Variants in MED21 observed in about 807,000 individuals in gnomAD.
MED21 encodes mediator of RNA polymerase II transcription subunit 21.
In MED21, 9 loss-of-function variants were observed where a neutral mutation model predicts 18.2. The observed-to-expected ratio is 0.49, with a 90% CI of 0.30 to 0.86. The LOEUF (loss-of-function observed/expected upper bound fraction) is 0.86. Among genes scored for constraint, MED21 ranks in the 40% least tolerant of loss-of-function variants. The probability of loss-of-function intolerance (pLI) is 0.07; values close to 1 mark genes in which losing one functional copy is unlikely to be tolerated. For missense variants in MED21, 150 were observed against 170.9 expected, an observed-to-expected ratio of 0.88 and a Z score of 0.68; for synonymous variants, 73 against 60.5, an observed-to-expected ratio of 1.21 and a Z score of -0.96.
chr12:27,030,220 C>A lies in MED21; in HGVS notation c.*1759C>A. On this transcript the variant is annotated 3_prime_UTR_variant, in exon 4 of 4. Coordinates refer to ENST00000282892, the MANE Select transcript of MED21 (RefSeq NM_004264.5). ...TGATCATGGCTCACTGCAGCTTCAC[C>A]CTGGGTTCAGGTGATCCTCCCACTT... is the stretch of plus-strand genomic sequence containing the variant. 1 of 639,382 alleles carries A rather than the reference C, an allele frequency of 1.6e-6. No homozygotes were observed. The highest frequency in any genetic ancestry group is 1.7e-5 in the South Asian group (1 of 58,520). 39.6% of individuals were successfully genotyped at this position (639,382 alleles called of 1,614,324 possible). A position where few individuals can be genotyped will look rare whatever the true frequency, so the allele number is the denominator to read the frequency against.
chr12:27,026,929 A>G (rs1442150198), intron 2 of MED21, among the ~76,000 whole-genome samples: 1 of 152,092 alleles, frequency 6.6e-6, no homozygotes, highest in Non-Finnish European at 1.5e-5. Context: ...TAATCATTAG[A>G]ATCTTCTTTT....
chr12:27,037,666 A>G (rs1370084697), intron 2 of MED21: 1 of 152,222 alleles, frequency 6.6e-6, no homozygotes, highest in Non-Finnish European at 1.5e-5. Flanking sequence ...TCTTTAGAAA[A>G]TGTATTTTTT....
At chr12:27,025,939 T>G (rs958818479) in intron 1 of MED21, among the ~76,000 whole-genome samples, 12 of 152,202 alleles carry the variant, frequency 7.9e-5, no homozygotes, top group Non-Finnish European at 1.8e-4. Context: ...AGCCTCTTCC[T>G]CACTATTTCT....
chr12:27,030,597 G>T lies in MED21; in HGVS notation c.*2136G>T, dbSNP rs1274984763. On this transcript the variant is annotated 3_prime_UTR_variant, in exon 4 of 4. Coordinates refer to ENST00000282892, the MANE Select transcript of MED21 (RefSeq NM_004264.5). ...AATACAGCAATAATTAAATGTCAATGATCTAAGCTGATTTAAATCTAAAAA... is the reference window on the plus strand; with the variant it reads ...AATACAGCAATAATTAAATGTCAATTATCTAAGCTGATTTAAATCTAAAAA... The T allele has an allele frequency of 6.3e-6, 1 of 159,534 alleles. No homozygotes were observed. The highest frequency in any genetic ancestry group is 2.0e-4 in the South Asian group (1 of 4,884). 9.9% of individuals were successfully genotyped at this position (159,534 alleles called of 1,614,324 possible). A position where few individuals can be genotyped will look rare whatever the true frequency, so the allele number is the denominator to read the frequency against.
At position 27,030,203 on chromosome 12, in the gene MED21, G is replaced by A; in HGVS notation, c.*1742G>A. The A allele has an allele frequency of 3.1e-6, 2 of 646,120 alleles. No individual in the cohort carries two copies. Among genetic ancestry groups the A allele is most frequent in the Non-Finnish European group, 5.7e-6 (2 of 351,084 alleles). 40.0% of individuals were successfully genotyped at this position (646,120 alleles called of 1,614,324 possible). A position where few individuals can be genotyped will look rare whatever the true frequency, so the allele number is the denominator to read the frequency against. On this transcript the variant is annotated 3_prime_UTR_variant, in exon 4 of 4. Transcript: ENST00000282892. ...GCTGAAGTGCAGTTCTGTGATCATG[G>A]CTCACTGCAGCTTCACCCTGGGTTC...
chr12:27,023,395 G>C (rs930813568), intron 1 of MED21, among the ~76,000 whole-genome samples: 93 of 132,864 alleles, frequency 7.0e-4, no homozygotes, highest in African/African-American at 2.3e-3. Flanking sequence ...CGCCTCCCGG[G>C]TTCAAGCGAT....
chr12:27,036,856 T>G lies in MED21; in HGVS notation n.147-9298T>G, dbSNP rs529967915. Among the ~76,000 whole-genome samples the G allele has an allele frequency of 1.3e-3, 200 of 152,366 alleles. 1 individual carries two copies. The highest frequency in any genetic ancestry group is 0.01 in the Middle Eastern group (3 of 294). ...GGTTACTGTAGCCTTGTAGTATAGT[T>G]TGAAGTCAGGTAGTGTGATGCCTCC... On this transcript the variant is annotated intron_variant and non_coding_transcript_variant, in intron 2 of 4. Coordinates refer to the MED21 transcript ENST00000538186.
At chr12:27,038,207 A>G (rs1482326112) in intron 2 of MED21, 1 of 152,202 alleles carries the variant, frequency 6.6e-6, no homozygotes, top group African/African-American at 2.4e-5. Flanking sequence ...AGAAGATTCC[A>G]TGGATAGGCT....
chr12:27,023,759 T>C (rs529724020), intron 1 of MED21, among the ~76,000 whole-genome samples: 1 of 152,148 alleles, frequency 6.6e-6, no homozygotes, highest in Non-Finnish European at 1.5e-5. Context: ...GGGCCCCTAA[T>C]GAAGGGGTCA....
Position 27,030,495 on chromosome 12 carries a change from C to T in MED21, c.*2034C>T, listed in dbSNP as rs1464851549. ...AGCATTAATAAATTAAGGTGGAATA[C>T]TAAAAAAGATTCAGGTAACCCAGGA... is the stretch of plus-strand genomic sequence containing the variant. On this transcript the variant is annotated 3_prime_UTR_variant, in exon 4 of 4. Transcript: ENST00000282892. 2.0e-5 allele frequency: 6 copies of T among 299,558 alleles called. No individual in the cohort carries two copies. Among genetic ancestry groups the T allele is most frequent in the Non-Finnish European group, 3.0e-5 (5 of 165,698 alleles). The allele number at this position is 299,558 out of a possible 1,614,324, so 18.6% of individuals were successfully genotyped here. A position where few individuals can be genotyped will look rare whatever the true frequency, so the allele number is the denominator to read the frequency against.
In MED21 at chr12:27,028,876, C is replaced by G; in HGVS notation, c.*415C>G. On this transcript the variant is annotated 3_prime_UTR_variant, in exon 4 of 4. Transcript: ENST00000282892. ...GGGACATTTTAGTTTGGGCTAGTGT[C>G]CTGCCTCTTAGAGGTGGCATTGTGT... 1 of 986,620 alleles carries G rather than the reference C, an allele frequency of 1.0e-6. No homozygotes were observed. The highest frequency in any genetic ancestry group is 1.2e-6 in the Non-Finnish European group (1 of 830,620). 61.1% of individuals were successfully genotyped at this position (986,620 alleles called of 1,614,324 possible).
chr12:27,035,302 C>G (rs1941643026), downstream of MED21, among the ~76,000 whole-genome samples: 2 of 151,924 alleles, frequency 1.3e-5, no homozygotes, highest in Non-Finnish European at 2.9e-5. Flanking sequence ...GTGAGTTTTG[C>G]TAAATATGCG....
downstream of MED21, chr12:27,030,863 T>C (rs964029231): frequency 2.0e-5 from 3 of 152,234 alleles, no homozygotes; most frequent in African/African-American, 7.2e-5. Flanking sequence ...TCTGTCCACT[T>C]GTGCCTTAAC....
chr12:27,030,229 A>G lies in MED21; in HGVS notation c.*1768A>G, dbSNP rs779368769. ...CTCACTGCAGCTTCACCCTGGGTTCAGGTGATCCTCCCACTTCAGCCTCTT... is the reference window on the plus strand; with the variant it reads ...CTCACTGCAGCTTCACCCTGGGTTCGGGTGATCCTCCCACTTCAGCCTCTT... On this transcript the variant is annotated 3_prime_UTR_variant, in exon 4 of 4. Transcript: ENST00000282892. 1.4e-5 allele frequency: 9 copies of G among 634,966 alleles called. No homozygotes were observed. The South Asian group carries it at 1.6e-4, about 11-fold the overall frequency. 39.3% of individuals were successfully genotyped at this position (634,966 alleles called of 1,614,324 possible).
chr12:27,025,131 T>G (rs984215403), intron 1 of MED21, among the ~76,000 whole-genome samples: 6 of 152,206 alleles, frequency 3.9e-5, no homozygotes, highest in African/African-American at 1.2e-4. Flanking sequence ...GAATATTTTT[T>G]TGTGTGTGTT....
chr12:27,027,395 T>C lies in MED21; in HGVS notation c.206T>C (p.Ile69Thr). The change falls in exon 3 of 4, where the codon ATT (isoleucine) becomes ACT (threonine). Residue 69 changes from isoleucine to threonine, a missense_variant. By Grantham distance (89) the Ile-to-Thr change is moderately conservative. Transcript: ENST00000282892. ...CTGATTGCACGAACAGCAAAAGACATTGATGTTTTGATAGATTCCTTACCC... is the reference window on the plus strand; with the variant it reads ...CTGATTGCACGAACAGCAAAAGACACTGATGTTTTGATAGATTCCTTACCC... ...AALIARTAKD[I>T]DVLIDSLPSE... The C allele has an allele frequency of 6.2e-7, 1 of 1,613,748 alleles. No homozygotes were observed. Among genetic ancestry groups the C allele is most frequent in the Non-Finnish European group, 8.5e-7 (1 of 1,179,802 alleles).
At chr12:27,025,915 G>C (rs1307641177) in intron 1 of MED21, among the ~76,000 whole-genome samples, 2 of 152,108 alleles carry the variant, frequency 1.3e-5, no homozygotes, top group East Asian at 3.9e-4. Context: ...CTTACTTAAG[G>C]TGCTTTTCTG....
rs184348887 is a variant in MED21 at position 27,022,915 on chromosome 12, C to G, written c.42+294C>G. 1.2e-4 allele frequency: 156 copies of G among 1,293,380 alleles called. No individual in the cohort carries two copies. In the African/African-American group the frequency reaches 2.0e-3, roughly 17 times the overall value. 80.1% of individuals were successfully genotyped at this position (1,293,380 alleles called of 1,614,324 possible). On this transcript the variant is annotated intron_variant, in intron 1 of 3. Coordinates refer to ENST00000282892, the MANE Select transcript of MED21 (RefSeq NM_004264.5). Reference sequence around the variant, plus strand: ...GTGGGCTGCGCGGTCCTGTCGTGTTCCCTGAGGACAGTTTTATTTTCTTGT... The same window carrying G: ...GTGGGCTGCGCGGTCCTGTCGTGTTGCCTGAGGACAGTTTTATTTTCTTGT...
rs1216751951 is a variant in MED21, at chr12:27,029,551, CAG to C, written c.*1091_*1092del. The C allele has an allele frequency of 1.0e-6, 1 of 985,386 alleles. No homozygotes were observed. The highest frequency in any genetic ancestry group is 1.2e-6 in the Non-Finnish European group (1 of 829,916). The allele number at this position is 985,386 out of a possible 1,614,324, so 61.0% of individuals were successfully genotyped here. A position where few individuals can be genotyped will look rare whatever the true frequency, so the allele number is the denominator to read the frequency against. ...TCAGAGTTTAAGTTTCAGGAGAAAA[CAG>C]GAACAATAGAACACTCTGCCTGTTA... On this transcript the variant is annotated 3_prime_UTR_variant, in exon 4 of 4. Transcript: ENST00000282892.
Sources: allele counts gnomAD v4.1 joint callset (sites outside exome capture counted in the v4.1 genomes callset), GRCh38; gene constraint gnomAD v4.1.1; transcripts MANE v1.5; gene names NCBI Gene and HGNC (gene_info 2026-07-23, HGNC 2026-07-21).